Variants in RSBN1L observed in about 807,000 individuals in gnomAD.
The protein encoded by RSBN1L is lysine-specific demethylase RSBN1L.
RSBN1L carries 30 observed loss-of-function variants against 67.7 expected under a neutral mutation model. The observed-to-expected ratio is 0.44, with a 90% CI of 0.33 to 0.60. RSBN1L has a LOEUF of 0.60. RSBN1L is among the 20% of genes least tolerant of loss of function. The pLI is 0.02. For synonymous variants in RSBN1L, 433 were observed against 387.0 expected, an observed-to-expected ratio of 1.12 and a Z score of -1.39; for missense variants, 992 against 1,031.7, an observed-to-expected ratio of 0.96 and a Z score of 0.53.
intron 1 of RSBN1L, among the ~76,000 whole-genome samples, chr7:77,713,232 A>G (rs1003570543): frequency 6.6e-6 from 1 of 152,014 alleles, no homozygotes; most frequent in African/African-American, 2.4e-5. Flanking sequence ...TTTTCTCTCT[A>G]AACTATCATT....
intron 6 of RSBN1L, among the ~76,000 whole-genome samples, chr7:77,776,228 A>G (rs1791912685): frequency 7.8e-6 from 1 of 128,490 alleles, no homozygotes. Flanking sequence ...TTTTCCTGTC[A>G]GTTTTTCTAG....
At chr7:77,770,149 G>C (rs1313336924) in intron 5 of RSBN1L, among the ~76,000 whole-genome samples, 1 of 152,124 alleles carries the variant, frequency 6.6e-6, no homozygotes, top group Admixed American at 6.5e-5. Flanking sequence ...GAGGCGGGTG[G>C]ATTACCTGAA....
At chr7:77,725,505 C>A (rs1252533660) in intron 1 of RSBN1L, among the ~76,000 whole-genome samples, 1 of 151,696 alleles carries the variant, frequency 6.6e-6, no homozygotes, top group Non-Finnish European at 1.5e-5. Flanking sequence ...CCTCGGCCTC[C>A]CATAGTGCTG....
intron 5 of RSBN1L, among the ~76,000 whole-genome samples, chr7:77,770,399 G>A (rs1791831871): frequency 6.6e-6 from 1 of 151,676 alleles, no homozygotes; most frequent in African/African-American, 2.4e-5. Context: ...AGTGAAATAC[G>A]CCAGGTGCAG....
chr7:77,750,691 A>G (rs1791545443), intron 3 of RSBN1L, among the ~76,000 whole-genome samples: 1 of 152,084 alleles, frequency 6.6e-6, no homozygotes, highest in African/African-American at 2.4e-5. Context: ...TGCCATTATC[A>G]CCCATCCTCA....
intron 2 of RSBN1L, among the ~76,000 whole-genome samples, chr7:77,737,947 G>C (rs142203218): frequency 1.3e-5 from 2 of 151,556 alleles, no homozygotes; most frequent in South Asian, 4.2e-4. Context: ...GCCTGAACCC[G>C]GGAGACAAGA....
intron 1 of RSBN1L, among the ~76,000 whole-genome samples, chr7:77,731,794 A>C (rs936263377): frequency 1.3e-5 from 2 of 150,200 alleles, no homozygotes; most frequent in African/African-American, 4.9e-5. Flanking sequence ...CTGGTCATCT[A>C]GATTTTCTTC....
chr7:77,727,254 G>A (rs1266439664), intron 1 of RSBN1L, among the ~76,000 whole-genome samples: 1 of 151,774 alleles, frequency 6.6e-6, no homozygotes, highest in Non-Finnish European at 1.5e-5. Flanking sequence ...CGCCCAACTA[G>A]TTTTATATTT....
chr7:77,741,702 AAAAAG>A (rs1471371037), intron 2 of RSBN1L, among the ~76,000 whole-genome samples: 17 of 151,908 alleles, frequency 1.1e-4, no homozygotes, highest in South Asian at 2.1e-4. Flanking sequence ...AAAAAAAAAA[AAAAAG>A]AAAAGAAAAG....
intron 2 of RSBN1L, among the ~76,000 whole-genome samples, chr7:77,739,195 C>T (rs2150421829): frequency 6.6e-6 from 1 of 152,206 alleles, no homozygotes; most frequent in South Asian, 2.1e-4. Context: ...AACAACAAAT[C>T]ATTTACTTTG....
intron 1 of RSBN1L, among the ~76,000 whole-genome samples, chr7:77,727,174 G>T (rs1352477038): frequency 6.7e-6 from 1 of 150,270 alleles, no homozygotes; most frequent in African/African-American, 2.5e-5. Context: ...TGCATCCTCC[G>T]CCTCCTAGGT....
intron 2 of RSBN1L, among the ~76,000 whole-genome samples, chr7:77,744,346 C>T (rs1441563612): frequency 6.8e-6 from 1 of 148,040 alleles, no homozygotes; most frequent in African/African-American, 2.5e-5. Context: ...TACTGTTTGA[C>T]TTTTTTTTAA....
intron 2 of RSBN1L, among the ~76,000 whole-genome samples, chr7:77,744,732 T>C (rs972677405): frequency 6.6e-5 from 10 of 152,152 alleles, no homozygotes; most frequent in African/African-American, 2.2e-4. Context: ...ATAGACTCTT[T>C]AGAGAATTAA....
At chr7:77,704,950 C>T (rs117637995) in intron 1 of RSBN1L, among the ~76,000 whole-genome samples, 2,809 of 150,354 alleles carry the variant, frequency 0.019, 39 homozygotes, top group Middle Eastern at 0.072. Flanking sequence ...TGACCCTGGG[C>T]GACAGGCAAC....
intron 3 of RSBN1L, among the ~76,000 whole-genome samples, chr7:77,751,524 T>C (rs1791556495): frequency 6.6e-6 from 1 of 152,192 alleles, no homozygotes; most frequent in Non-Finnish European, 1.5e-5. Context: ...CTAAACTAGA[T>C]AGGGAGCTAT....
chr7:77,725,832 C>T (rs1055193451), intron 1 of RSBN1L, among the ~76,000 whole-genome samples: 11 of 152,010 alleles, frequency 7.2e-5, no homozygotes, highest in South Asian at 4.2e-4. Context: ...TCAGGTCATC[C>T]GCCTGCCTCC....
At chr7:77,731,328 A>C (rs1360576378) in intron 1 of RSBN1L, among the ~76,000 whole-genome samples, 1 of 150,932 alleles carries the variant, frequency 6.6e-6, no homozygotes, top group African/African-American at 2.4e-5. Flanking sequence ...ATCCATCTCA[A>C]CCTCTCACCT....
chr7:77,706,080 G>GT (rs796813233), intron 1 of RSBN1L, among the ~76,000 whole-genome samples: 3,527 of 136,570 alleles, frequency 0.026, 96 homozygotes, highest in African/African-American at 0.076. Context: ...TTTATTTAAT[G>GT]TTTTTTTTTT....
intron 1 of RSBN1L, among the ~76,000 whole-genome samples, chr7:77,716,403 G>A (rs2150414832): frequency 6.7e-6 from 1 of 149,224 alleles, no homozygotes; most frequent in African/African-American, 2.4e-5. Context: ...ATGGCTCACT[G>A]CAGCCTTGAA....
Sources: allele counts gnomAD v4.1 joint callset (sites outside exome capture counted in the v4.1 genomes callset), GRCh38; gene constraint gnomAD v4.1.1; transcripts MANE v1.5; gene names NCBI Gene and HGNC (gene_info 2026-07-23, HGNC 2026-07-21).